Variants in VAC14 observed in about 807,000 individuals in gnomAD.
VAC14 encodes VAC14 component of PIKFYVE complex.
In VAC14, 47 loss-of-function variants were observed where a neutral mutation model predicts 85.3. The observed-to-expected ratio is 0.55, with a 90% CI of 0.44 to 0.70. VAC14 has a LOEUF of 0.70. Ranked by LOEUF, VAC14 falls within the 30% of genes least tolerant of loss-of-function variation. The pLI is 0.00. For synonymous variants in VAC14, 447 were observed against 430.5 expected, an observed-to-expected ratio of 1.04 and a Z score of -0.47; for missense variants, 861 against 1,004.3, an observed-to-expected ratio of 0.86 and a Z score of 1.93.
At chr16:70,755,287 A>G in intron 12 of VAC14, 1 of 282,670 alleles carries the variant, frequency 3.5e-6, no homozygotes, top group Non-Finnish European at 7.1e-6. Flanking sequence ...GGGGCCTGGG[A>G]AGGAAGGTGC....
intron 8 of VAC14, among the ~76,000 whole-genome samples, chr16:70,781,394 C>A (rs1010177981): frequency 1.3e-5 from 2 of 152,198 alleles, no homozygotes; most frequent in African/African-American, 2.4e-5. Context: ...ATAGAGTGGT[C>A]CCAGCCAGGG....
intron 14 of VAC14, among the ~76,000 whole-genome samples, chr16:70,700,883 C>T (rs1013641518): frequency 6.6e-6 from 1 of 152,172 alleles, no homozygotes; most frequent in African/African-American, 2.4e-5. Flanking sequence ...TGCCAGGCAG[C>T]GCTCTCCAGG....
At chr16:70,784,534 G>A (rs1334991192) in intron 4 of VAC14, among the ~76,000 whole-genome samples, 1 of 152,218 alleles carries the variant, frequency 6.6e-6, no homozygotes, top group East Asian at 1.9e-4. Flanking sequence ...TGACAGGCAA[G>A]CTTCTTTGCT....
intron 1 of VAC14, among the ~76,000 whole-genome samples, chr16:70,794,241 AT>A (rs1367172855): frequency 6.6e-6 from 1 of 152,090 alleles, no homozygotes; most frequent in Non-Finnish European, 1.5e-5. Flanking sequence ...ATTGTAGAAC[AT>A]TTTTTTACCA....
chr16:70,761,091 G>A (rs1208862981), intron 12 of VAC14: 7 of 424,350 alleles, frequency 1.6e-5, no homozygotes, highest in Non-Finnish European at 2.8e-5. Flanking sequence ...GATTTTTCTG[G>A]TAATACAGAA....
chr16:70,695,669 C>G, intron 16 of VAC14, 46 bp from the exon 17 acceptor site: 1 of 1,582,268 alleles, frequency 6.3e-7, no homozygotes, highest in South Asian at 1.1e-5. Flanking sequence ...CCAGCACAGC[C>G]GCAGCTCACA....
At chr16:70,691,798 T>C (rs1292048229) in intron 18 of VAC14, 2 of 984,962 alleles carry the variant, frequency 2.0e-6, no homozygotes, top group Non-Finnish European at 2.4e-6. Flanking sequence ...CCAGTCTGGG[T>C]GGGAGGGGCA....
intron 13 of VAC14, among the ~76,000 whole-genome samples, chr16:70,742,810 G>GT (rs2030475063): frequency 6.6e-6 from 1 of 152,282 alleles, no homozygotes; most frequent in Non-Finnish European, 1.5e-5. Flanking sequence ...GGCTGAGGCT[G>GT]TAAGGCCCCT....
At chr16:70,775,240 T>C (rs1216147416) in intron 9 of VAC14, among the ~76,000 whole-genome samples, 1 of 152,184 alleles carries the variant, frequency 6.6e-6, no homozygotes, top group East Asian at 1.9e-4. Context: ...ATTATACAAA[T>C]ATATCCTCAT....
chr16:70,702,303 GA>G (rs2142992945), intron 14 of VAC14, among the ~76,000 whole-genome samples: 1 of 152,318 alleles, frequency 6.6e-6, no homozygotes, highest in South Asian at 2.1e-4. Flanking sequence ...CTCATCCCAG[GA>G]GACTCTGGAG....
chr16:70,705,968 C>T (rs1475252096), intron 14 of VAC14, among the ~76,000 whole-genome samples: 1 of 152,212 alleles, frequency 6.6e-6, no homozygotes, highest in South Asian at 2.1e-4. Flanking sequence ...GATACAGATA[C>T]AGGAAGGTCT....
chr16:70,777,544 A>G (rs1432623304), intron 9 of VAC14, among the ~76,000 whole-genome samples: 1 of 152,202 alleles, frequency 6.6e-6, no homozygotes, highest in Non-Finnish European at 1.5e-5. Flanking sequence ...CTGGACACGC[A>G]AAGTGCCATA....
At chr16:70,722,620 G>A (rs529069002) in intron 14 of VAC14, among the ~76,000 whole-genome samples, 16 of 152,244 alleles carry the variant, frequency 1.1e-4, no homozygotes, top group African/African-American at 3.6e-4. Context: ...CCTGAGAAAC[G>A]CATTCTACAA....
chr16:70,783,284 G>A, intron 6 of VAC14, 145 bp from the exon 7 acceptor site: 1 of 1,043,222 alleles, frequency 9.6e-7, no homozygotes, highest in African/African-American at 1.6e-5. Flanking sequence ...TCAGATGCTG[G>A]GGGTTGATGG....
intron 12 of VAC14, among the ~76,000 whole-genome samples, chr16:70,751,163 T>C (rs1026321908): frequency 6.6e-5 from 10 of 152,174 alleles, no homozygotes; most frequent in African/African-American, 2.4e-4. Context: ...ACACAGGCCA[T>C]TGGTCGGCTG....
In VAC14 at chr16:70,760,962, G is replaced by GGGGTGTGTGT. The variant is rs1402592187; in HGVS notation, c.1371+1577_1371+1578insACACACACCC. ...TGCAGGGGGTGGTGCACGAAGAGAG[G>GGGGTGTGTGT]GTGTGTGTGTGTGTGTGTGTGTGTG... On this transcript the variant is annotated intron_variant, in intron 12 of 18. Transcript: ENST00000261776. Among the ~76,000 whole-genome samples the GGGGTGTGTGT allele has an allele frequency of 4.1e-3, 197 of 47,624 alleles. 14 individuals are homozygous for GGGGTGTGTGT. The highest frequency in any genetic ancestry group is 0.01 in the African/African-American group (121 of 11,678). The allele number at this position is 47,624 out of a possible 152,430, so 31.2% of individuals were successfully genotyped here. A position where few individuals can be genotyped will look rare whatever the true frequency, so the allele number is the denominator to read the frequency against.
chr16:70,725,831 G>C (rs1044351317), intron 14 of VAC14, among the ~76,000 whole-genome samples: 1 of 152,196 alleles, frequency 6.6e-6, no homozygotes, highest in African/African-American at 2.4e-5. Flanking sequence ...CCTGGGAGGT[G>C]GCTCGGACCT....
intron 1 of VAC14, among the ~76,000 whole-genome samples, chr16:70,786,585 G>A (rs536223469): frequency 6.6e-6 from 1 of 152,202 alleles, no homozygotes; most frequent in Non-Finnish European, 1.5e-5. Context: ...AAGGAACAGT[G>A]GTGCTATCTC....
At chr16:70,763,066 C>T (rs375348286) in intron 10 of VAC14, 41 bp from the exon 11 acceptor site, 11 of 1,612,632 alleles carry the variant, frequency 6.8e-6, no homozygotes, top group Non-Finnish European at 8.5e-7. Flanking sequence ...GTGAAGCCCA[C>T]CATAGCCCTC....
Sources: allele counts gnomAD v4.1 joint callset (sites outside exome capture counted in the v4.1 genomes callset), GRCh38; gene constraint gnomAD v4.1.1; transcripts MANE v1.5; gene names NCBI Gene and HGNC (gene_info 2026-07-23, HGNC 2026-07-21).